WDR17: variants seen among roughly 807,000 people sequenced by gnomAD.
The protein encoded by WDR17 is WD repeat domain 17.
A neutral mutation model predicts 161.7 loss-of-function variants in WDR17; 143 were observed. The observed-to-expected ratio is 0.88, with a 90% confidence interval of 0.77 to 1.02. The LOEUF (loss-of-function observed/expected upper bound fraction) is 1.02, where lower values mean the gene tolerates loss of function less well. Among genes scored for constraint, WDR17 ranks in the 50% least tolerant of loss-of-function variants. The pLI is 0.00. For missense variants in WDR17, 1,469 were observed against 1,520.9 expected, an observed-to-expected ratio of 0.97 and a Z score of 0.57; for synonymous variants, 517 against 515.6, an observed-to-expected ratio of 1.00 and a Z score of -0.04.
intron 7 of WDR17, among the ~76,000 whole-genome samples, chr4:176,133,248 C>T (rs1579143149): frequency 1.1e-5 from 1 of 88,768 alleles, no homozygotes; most frequent in African/African-American, 4.5e-5. Context: ...TCTCCTTGGT[C>T]TCCTCTCTCT....
At chr4:176,149,231 A>AT (rs33950521) in intron 13 of WDR17, among the ~76,000 whole-genome samples, 7,593 of 151,732 alleles carry the variant, frequency 0.05, 585 homozygotes, top group African/African-American at 0.16. Flanking sequence ...CTTTCTAATA[A>AT]TTTTTTTCTT....
At chr4:176,128,667 T>A in intron 5 of WDR17, 71 bp from the exon 6 acceptor site, 1 of 1,479,888 alleles carries the variant, frequency 6.8e-7, no homozygotes, top group African/African-American at 1.4e-5. Context: ...AATTTTGTTA[T>A]ACTTTTATGT....
At chr4:176,147,200 C>T (rs1460080601) in intron 12 of WDR17, among the ~76,000 whole-genome samples, 1 of 151,920 alleles carries the variant, frequency 6.6e-6, no homozygotes, top group African/African-American at 2.4e-5. Context: ...AAGGGATATG[C>T]CTTAAGAAAT....
chr4:176,075,063 A>C (rs894364227), intron 1 of WDR17, among the ~76,000 whole-genome samples: 1 of 151,812 alleles, frequency 6.6e-6, no homozygotes, highest in Non-Finnish European at 1.5e-5. Flanking sequence ...CATAAGTCTG[A>C]CATGCCTTTT....
chr4:176,071,168 A>T (rs1424362146), intron 1 of WDR17, among the ~76,000 whole-genome samples: 1 of 151,520 alleles, frequency 6.6e-6, no homozygotes, highest in African/African-American at 2.4e-5. Context: ...AAATAGGGGT[A>T]TACTTTTTGC....
chr4:176,132,294 A>G (rs1024973305), intron 7 of WDR17, among the ~76,000 whole-genome samples: 4 of 152,104 alleles, frequency 2.6e-5, no homozygotes, highest in African/African-American at 9.7e-5. Context: ...TATCTGCCAC[A>G]TAGCAAGACT....
chr4:176,092,916 C>T (rs1421369122), intron 1 of WDR17, among the ~76,000 whole-genome samples: 1 of 152,118 alleles, frequency 6.6e-6, no homozygotes, highest in Non-Finnish European at 1.5e-5. Context: ...GTGGCGCATG[C>T]CTGTGGTCCC....
chr4:176,128,729 T>C lies in WDR17; in HGVS notation c.791-9T>C, dbSNP rs28607147. 385,732 of 1,595,572 alleles carry C rather than the reference T, an allele frequency of 0.24. 48,218 individuals carry two copies. Among genetic ancestry groups the C allele is most frequent in the Middle Eastern group, 0.34 (2,009 of 5,960 alleles). ...TTGTTAAAATGTGCTTTTTCCCTGA[T>C]CTGACTAGATTCTCAAGTGGGTGTT... On this transcript the variant is annotated splice_polypyrimidine_tract_variant and intron_variant, in intron 5 of 28. Transcript: ENST00000508596.
intron 6 of WDR17, among the ~76,000 whole-genome samples, chr4:176,130,741 T>C (rs1360366345): frequency 1.4e-5 from 2 of 139,862 alleles, no homozygotes; most frequent in African/African-American, 2.7e-5. Flanking sequence ...CGAGACTCCG[T>C]CTCAAAAAAA....
In WDR17 at chr4:176,135,095, G is replaced by A; in HGVS notation, c.1099-13G>A. ...TCCTCAATAATTATGACTTTTTTAT[G>A]CCATATTCCTAGGGACATGTGGAAA... is the stretch of plus-strand genomic sequence containing the variant. On this transcript the variant is annotated splice_polypyrimidine_tract_variant and intron_variant, in intron 7 of 28. Coordinates refer to ENST00000508596, the MANE Select transcript of WDR17 (RefSeq NM_181265.4). 6.2e-7 allele frequency: 1 copy of A among 1,609,228 alleles called. No homozygotes were observed. The highest frequency in any genetic ancestry group is 8.5e-7 in the Non-Finnish European group (1 of 1,177,328).
At chr4:176,165,119 G>C (rs1054601788) in intron 22 of WDR17, among the ~76,000 whole-genome samples, 2 of 149,162 alleles carry the variant, frequency 1.3e-5, no homozygotes, top group Non-Finnish European at 3.0e-5. Flanking sequence ...CTGAGGTCAG[G>C]AGTTCAAGAC....
intron 1 of WDR17, among the ~76,000 whole-genome samples, chr4:176,095,372 G>A (rs1044429342): frequency 1.3e-5 from 2 of 152,134 alleles, no homozygotes; most frequent in African/African-American, 2.4e-5. Context: ...GCTTGTTGCA[G>A]AAGCAAGAAC....
At chr4:176,157,822 C>T (rs9990644) in intron 18 of WDR17, among the ~76,000 whole-genome samples, 15,788 of 151,962 alleles carry the variant, frequency 0.1, 1,780 homozygotes, top group African/African-American at 0.28. Flanking sequence ...TGTGGTGTAT[C>T]CTCAGATAAA....
At chr4:176,099,061 A>C (rs1053868483) in intron 1 of WDR17, among the ~76,000 whole-genome samples, 1 of 152,118 alleles carries the variant, frequency 6.6e-6, no homozygotes, top group African/African-American at 2.4e-5. Context: ...TATTGGCATA[A>C]ATTTAGAAGT....
At chr4:176,068,631 G>A (rs1299881223) in intron 1 of WDR17, among the ~76,000 whole-genome samples, 1 of 152,086 alleles carries the variant, frequency 6.6e-6, no homozygotes, top group Admixed American at 6.6e-5. Flanking sequence ...AAGAAAAAAA[G>A]GAGGATATTG....
At chr4:176,130,444 A>T (rs34311937) in intron 6 of WDR17, among the ~76,000 whole-genome samples, 35,964 of 152,096 alleles carry the variant, frequency 0.24, 4,519 homozygotes, top group South Asian at 0.28. Flanking sequence ...GTATTTTAAT[A>T]TTAAAAATAC....
At chr4:176,111,460 T>C (rs1045556167) in intron 1 of WDR17, 115 bp from the exon 2 acceptor site, 5 of 1,136,910 alleles carry the variant, frequency 4.4e-6, no homozygotes, top group Non-Finnish European at 6.0e-6. Flanking sequence ...TTAATAGTAC[T>C]AGTAAAATGT....
At chr4:176,100,399 C>T (rs886874237) in intron 1 of WDR17, among the ~76,000 whole-genome samples, 15 of 152,070 alleles carry the variant, frequency 9.9e-5, no homozygotes, top group Admixed American at 8.5e-4. Context: ...AATGTCTACT[C>T]ATGTCCTTTG....
chr4:176,152,432 TA>T (rs899985613), intron 17 of WDR17, among the ~76,000 whole-genome samples: 23 of 150,798 alleles, frequency 1.5e-4, no homozygotes, highest in African/African-American at 5.4e-4. Flanking sequence ...TTGTCTCTGC[TA>T]AAATACAGAA....
Sources: gnomAD v4.1 joint callset for allele counts (sites outside exome capture counted in the v4.1 genomes callset) on GRCh38, gnomAD v4.1.1 for gene constraint, MANE v1.5 for transcripts, NCBI Gene and HGNC (gene_info 2026-07-23, HGNC 2026-07-21) for gene names.